ANXA8: variants seen among roughly 807,000 people sequenced by gnomAD.
ANXA8 encodes the protein VAC-beta.
ANXA8 carries 9 observed loss-of-function variants against 26.8 expected under a neutral mutation model. The observed-to-expected ratio is 0.34, with a 90% confidence interval of 0.20 to 0.59. The LOEUF is 0.59. Ranked by LOEUF, ANXA8 falls within the 20% of genes least tolerant of loss-of-function variation. The pLI, the probability that ANXA8 is intolerant of heterozygous loss-of-function variation, is 0.84. For missense variants in ANXA8, 83 were observed against 238.5 expected, an observed-to-expected ratio of 0.35 and a Z score of 4.29; for synonymous variants, 39 against 94.8, an observed-to-expected ratio of 0.41 and a Z score of 3.42.
the ANXA8 span, among the ~76,000 whole-genome samples, chr10:47,555,469 A>G: frequency 1.3e-5 from 2 of 151,754 alleles, no homozygotes. Flanking sequence ...CCCTGTTGCA[A>G]TTAACAATTC....
At chr10:47,588,510 G>GT in the ANXA8 span, among the ~76,000 whole-genome samples, 2 of 140,604 alleles carry the variant, frequency 1.4e-5, no homozygotes, top group African/African-American at 3.1e-5. Context: ...GGCACAATGA[G>GT]TTTTTTCTAG....
the ANXA8 span, among the ~76,000 whole-genome samples, chr10:47,684,875 C>T: frequency 2.6e-3 from 391 of 149,492 alleles, no homozygotes; most frequent in African/African-American, 9.2e-3. Context: ...CATGAGCCAC[C>T]GCGCCCAGCC....
At position 47,475,203 on chromosome 10, in the gene ANXA8, T is replaced by C. The variant is rs1350715946; in HGVS notation, c.493-199A>G. ...GTGGTAAGGACTGCCTCATAAGGCT[T>C]GGCGGATTCAGTGAGCTAAGGTAAG... On this transcript the variant is annotated intron_variant, in intron 6 of 11. Coordinates refer to ENST00000585281, the MANE Select transcript of ANXA8 (RefSeq NM_001040084.3). Among the ~76,000 whole-genome samples the C allele has an allele frequency of 2.7e-5, 4 of 147,742 alleles. 1 individual carries two copies. The highest frequency in any genetic ancestry group is 6.0e-5 in the Non-Finnish European group (4 of 67,002).
chr10:47,982,801 C>T, the ANXA8 span, among the ~76,000 whole-genome samples: 3 of 12,942 alleles, frequency 2.3e-4, no homozygotes, highest in Non-Finnish European at 3.1e-4. Flanking sequence ...ATTTGCAAAT[C>T]ATATATATAT....
the ANXA8 span, among the ~76,000 whole-genome samples, chr10:47,976,222 CAAT>C: frequency 8.1e-4 from 121 of 149,372 alleles, no homozygotes; most frequent in African/African-American, 1.7e-3. Flanking sequence ...TCCTTAACAA[CAAT>C]GAGAGCACTG....
chr10:47,750,177 C>T, the ANXA8 span, among the ~76,000 whole-genome samples: 1 of 151,770 alleles, frequency 6.6e-6, no homozygotes. Context: ...ATTTGACCAA[C>T]CTGATTAACA....
the ANXA8 span, among the ~76,000 whole-genome samples, chr10:47,592,367 TGA>T: frequency 6.7e-6 from 1 of 148,402 alleles, no homozygotes; most frequent in Admixed American, 6.7e-5. Flanking sequence ...CATTTCATAC[TGA>T]GTGGCTAAGT....
At chr10:47,491,517 G>T in the ANXA8 span, 14 of 864,178 alleles carry the variant, frequency 1.6e-5, no homozygotes, top group African/African-American at 1.8e-4. Flanking sequence ...GCAGGTCCTC[G>T]CCTGCCTACG....
At chr10:47,546,371 A>G in the ANXA8 span, among the ~76,000 whole-genome samples, 1 of 126,828 alleles carries the variant, frequency 7.9e-6, no homozygotes, top group Non-Finnish European at 1.6e-5. Context: ...GGTAGTCTAT[A>G]AGAAAATATA....
chr10:47,718,085 A>G, the ANXA8 span, among the ~76,000 whole-genome samples: 1 of 152,076 alleles, frequency 6.6e-6, no homozygotes, highest in Non-Finnish European at 1.5e-5. Context: ...TCTGCCTACT[A>G]CAGGAGACTA....
the ANXA8 span, among the ~76,000 whole-genome samples, chr10:47,585,411 G>A: frequency 7.2e-6 from 1 of 138,424 alleles, no homozygotes; most frequent in Non-Finnish European, 1.5e-5. Context: ...CAATGATTCT[G>A]AATAAAGATC....
At chr10:47,557,996 A>G in the ANXA8 span, among the ~76,000 whole-genome samples, 1 of 151,926 alleles carries the variant, frequency 6.6e-6, no homozygotes, top group African/African-American at 2.4e-5. Context: ...ACTGCTCATT[A>G]GACTTGAGCA....
At chr10:47,682,637 T>C in the ANXA8 span, among the ~76,000 whole-genome samples, 1 of 151,408 alleles carries the variant, frequency 6.6e-6, no homozygotes, top group Non-Finnish European at 1.5e-5. Context: ...GCCTGGCAAA[T>C]TTTTTGTGTT....
chr10:47,493,748 A>G, the ANXA8 span, among the ~76,000 whole-genome samples: 2 of 88,282 alleles, frequency 2.3e-5, no homozygotes, highest in East Asian at 7.2e-4. Context: ...CACCCCCTCC[A>G]CATGGTCCCC....
At chr10:47,986,231 G>A in the ANXA8 span, 1 of 152,764 alleles carries the variant, frequency 6.5e-6, no homozygotes, top group South Asian at 2.1e-4. Context: ...CATGAGGTGG[G>A]CTTGTTTGAA....
the ANXA8 span, among the ~76,000 whole-genome samples, chr10:47,594,718 G>C: frequency 6.8e-6 from 1 of 147,316 alleles, no homozygotes; most frequent in African/African-American, 2.7e-5. Flanking sequence ...CAAAAATAAA[G>C]AAAAAATATT....
At chr10:47,652,877 A>G in the ANXA8 span, among the ~76,000 whole-genome samples, 1 of 150,258 alleles carries the variant, frequency 6.7e-6, no homozygotes, top group Non-Finnish European at 1.5e-5. Context: ...ATGTGTTTCA[A>G]TTTATATTTA....
At chr10:47,724,389 G>A in the ANXA8 span, among the ~76,000 whole-genome samples, 4 of 141,398 alleles carry the variant, frequency 2.8e-5, 1 homozygote, top group African/African-American at 1.0e-4. Context: ...ATCTCCTTGT[G>A]CTTGTTTCCT....
At chr10:47,651,271 T>TA in the ANXA8 span, among the ~76,000 whole-genome samples, 33 of 129,618 alleles carry the variant, frequency 2.5e-4, no homozygotes, top group East Asian at 1.2e-3. Context: ...TATAATAACT[T>TA]AAAAAAAATC....
Sources: allele counts gnomAD v4.1 joint callset (sites outside exome capture counted in the v4.1 genomes callset), GRCh38; gene constraint gnomAD v4.1.1; transcripts MANE v1.5; gene names NCBI Gene and HGNC (gene_info 2026-07-23, HGNC 2026-07-21).